The following TGM6 variants were observed in gnomAD, a reference collection of about 807,000 sequenced individuals.
TGM6 encodes protein-glutamine gamma-glutamyltransferase 6.
Under a neutral mutation model 77.5 loss-of-function variants are expected in TGM6, and 74 were observed. That is an observed-to-expected ratio of 0.96 (90% CI 0.79 to 1.16). The LOEUF is 1.16. Ranked by LOEUF, TGM6 falls within the 50% of genes most tolerant of loss-of-function variation. The probability of loss-of-function intolerance (pLI) is 0.00; values close to 1 mark genes in which losing one functional copy is unlikely to be tolerated. For synonymous variants in TGM6, 383 were observed against 378.9 expected, an observed-to-expected ratio of 1.01 and a Z score of -0.12; for missense variants, 968 against 940.2, an observed-to-expected ratio of 1.03 and a Z score of -0.39.
intron 10 of TGM6, among the ~76,000 whole-genome samples, chr20:2,426,213 T>C (rs1169158060): frequency 2.3e-5 from 3 of 132,796 alleles, no homozygotes; most frequent in East Asian, 2.3e-4. Context: ...GTAGATCTTG[T>C]ACATATTTTG....
intron 2 of TGM6, 81 bp from the exon 3 acceptor site, chr20:2,395,113 C>T: frequency 6.4e-7 from 1 of 1,570,688 alleles, no homozygotes; most frequent in South Asian, 1.2e-5. Context: ...GGTGGGGCTT[C>T]CAGGCCTGTA....
chr20:2,414,547 C>G (rs553418443), intron 9 of TGM6, among the ~76,000 whole-genome samples: 3 of 152,180 alleles, frequency 2.0e-5, no homozygotes, highest in Non-Finnish European at 4.4e-5. Flanking sequence ...GACCCGGCAA[C>G]TGCACTCCCA....
At chr20:2,428,438 G>T (rs2084903293) in intron 10 of TGM6, among the ~76,000 whole-genome samples, 1 of 152,128 alleles carries the variant, frequency 6.6e-6, no homozygotes, top group African/African-American at 2.4e-5. Flanking sequence ...TGTATCATAT[G>T]GTGGCATATG....
rs904575364 is a variant in TGM6, at chr20:2,396,411, G to A, written c.425-95G>A. The A allele has an allele frequency of 8.5e-6, 11 of 1,291,142 alleles. No individual in the cohort carries two copies. The East Asian group carries it at 9.3e-5, about 11-fold the overall frequency. 80.0% of individuals were successfully genotyped at this position (1,291,142 alleles called of 1,614,324 possible). ...CCTCTCCTGCCCCAGTCAGCCTCCG[G>A]GCGCTGCCCTGCTGCTGATCCCTGA... On this transcript the variant is annotated intron_variant, in intron 3 of 12. Coordinates refer to ENST00000202625, the MANE Select transcript of TGM6 (RefSeq NM_198994.3).
intron 10 of TGM6, among the ~76,000 whole-genome samples, chr20:2,419,707 T>G (rs896254995): frequency 2.6e-5 from 4 of 152,206 alleles, no homozygotes; most frequent in African/African-American, 9.6e-5. Flanking sequence ...TTAAATATTT[T>G]TATAAGCTCC....
chr20:2,417,645 G>A lies in TGM6; in HGVS notation c.1678+72G>A, dbSNP rs551974362. On this transcript the variant is annotated intron_variant, in intron 10 of 12. Coordinates refer to ENST00000202625, the MANE Select transcript of TGM6 (RefSeq NM_198994.3). ...TTCAGGAGGGTTGTGGAGGTCAGAG[G>A]GATTTCCCAGGACTGCATTCATCCC... 58 of 1,473,802 alleles carry A rather than the reference G, an allele frequency of 3.9e-5. 3 individuals are homozygous for A. In the South Asian group the frequency reaches 6.8e-4, roughly 17 times the overall value. The allele number at this position is 1,473,802 out of a possible 1,614,324, so 91.3% of individuals were successfully genotyped here. A position where few individuals can be genotyped will look rare whatever the true frequency, so the allele number is the denominator to read the frequency against.
At chr20:2,403,068 A>G (rs1380837940) in intron 7 of TGM6, among the ~76,000 whole-genome samples, 4 of 151,974 alleles carry the variant, frequency 2.6e-5, no homozygotes, top group Non-Finnish European at 5.9e-5. Context: ...TGTCACTTGC[A>G]TTTGTTTGAT....
chr20:2,423,975 AT>A (rs1260142331), intron 10 of TGM6, among the ~76,000 whole-genome samples: 1 of 152,206 alleles, frequency 6.6e-6, no homozygotes, highest in African/African-American at 2.4e-5. Flanking sequence ...TTCTTTTCTG[AT>A]CAGTAGGTCT....
chr20:2,382,176 C>G (rs993352276), intron 1 of TGM6, among the ~76,000 whole-genome samples: 9 of 152,198 alleles, frequency 5.9e-5, no homozygotes, highest in African/African-American at 2.2e-4. Context: ...ATTTCCTCAT[C>G]ATAGTCTAGC....
At chr20:2,428,023 T>C (rs180837448) in intron 10 of TGM6, among the ~76,000 whole-genome samples, 36 of 152,344 alleles carry the variant, frequency 2.4e-4, no homozygotes, top group African/African-American at 7.9e-4. Flanking sequence ...GTTTAATCCC[T>C]AGGTATTTTA....
intron 10 of TGM6, among the ~76,000 whole-genome samples, chr20:2,429,860 G>A (rs1484361524): frequency 6.6e-6 from 1 of 152,218 alleles, no homozygotes; most frequent in Non-Finnish European, 1.5e-5. Context: ...GAGGGAGACA[G>A]AGATGGCCAG....
intron 7 of TGM6, among the ~76,000 whole-genome samples, chr20:2,401,068 C>T (rs1369874778): frequency 1.3e-5 from 2 of 151,668 alleles, no homozygotes; most frequent in South Asian, 2.1e-4. Context: ...AGCCAAGCAT[C>T]GTGGCAGGCG....
chr20:2,385,601 T>C (rs1191986696), intron 1 of TGM6, among the ~76,000 whole-genome samples: 7 of 150,634 alleles, frequency 4.6e-5, no homozygotes, highest in Admixed American at 3.3e-4. Flanking sequence ...TCTCACTCTG[T>C]GGAAGGAAAG....
chr20:2,402,050 C>A (rs1287679016), intron 7 of TGM6, among the ~76,000 whole-genome samples: 2 of 151,670 alleles, frequency 1.3e-5, no homozygotes, highest in Admixed American at 1.3e-4. Context: ...CCAGCCTGGC[C>A]AACACGGTGA....
chr20:2,396,055 C>G (rs1414006142), intron 3 of TGM6, among the ~76,000 whole-genome samples: 2 of 151,984 alleles, frequency 1.3e-5, no homozygotes, highest in African/African-American at 4.8e-5. Flanking sequence ...TGGCACACGC[C>G]TGTAATCCCA....
intron 1 of TGM6, among the ~76,000 whole-genome samples, chr20:2,389,122 G>A (rs551290297): frequency 6.6e-6 from 1 of 152,264 alleles, no homozygotes; most frequent in South Asian, 2.1e-4. Context: ...TCTGAGGTTA[G>A]GTCATAAAAA....
chr20:2,401,764 G>A (rs77523960), intron 7 of TGM6, among the ~76,000 whole-genome samples: 2,514 of 152,312 alleles, frequency 0.017, 76 homozygotes, highest in African/African-American at 0.057. Flanking sequence ...TATGAACCCA[G>A]TCTGCCTCTC....
intron 1 of TGM6, among the ~76,000 whole-genome samples, chr20:2,393,627 G>T (rs1017387294): frequency 6.6e-6 from 1 of 152,014 alleles, no homozygotes; most frequent in Non-Finnish European, 1.5e-5. Flanking sequence ...TCCACCTCCC[G>T]GGTTCAAGCG....
chr20:2,403,072 G>GT (rs2084722151), intron 7 of TGM6, among the ~76,000 whole-genome samples: 1 of 152,092 alleles, frequency 6.6e-6, no homozygotes, highest in South Asian at 2.1e-4. Context: ...ACTTGCATTT[G>GT]TTTGATTTAT....
Sources: allele counts gnomAD v4.1 joint callset (sites outside exome capture counted in the v4.1 genomes callset), GRCh38; gene constraint gnomAD v4.1.1; transcripts MANE v1.5; gene names NCBI Gene and HGNC (gene_info 2026-07-23, HGNC 2026-07-21).